Variants in ACHE observed in about 807,000 individuals in gnomAD.
ACHE encodes the protein acetylcholinesterase (Yt blood group).
Under a neutral mutation model 53.9 loss-of-function variants are expected in ACHE, and 19 were observed. The observed-to-expected ratio is 0.35, with a 90% CI of 0.25 to 0.52. The LOEUF is 0.52. Ranked by LOEUF, ACHE falls within the 20% of genes least tolerant of loss-of-function variation. The pLI, the probability that ACHE is intolerant of heterozygous loss-of-function variation, is 0.95. For synonymous variants in ACHE, 392 were observed against 378.1 expected, an observed-to-expected ratio of 1.04 and a Z score of -0.43; for missense variants, 605 against 849.4, an observed-to-expected ratio of 0.71 and a Z score of 3.58.
intron 1 of ACHE, among the ~76,000 whole-genome samples, chr7:100,895,146 C>T (rs952530638): frequency 1.4e-4 from 22 of 152,030 alleles, no homozygotes; most frequent in African/African-American, 5.3e-4. Context: ...ATTTTGGGGG[C>T]AGCAGCTGCT....
At position 100,893,434 on chromosome 7, in the gene ACHE, A is replaced by G. The variant is rs756467564; in HGVS notation, c.799T>C (p.Trp267Arg). The change falls in exon 2 of 5, where the codon TGG becomes CGG. Residue 267 changes from tryptophan (W) to arginine (R), a missense_variant. Trp to Arg is a moderately radical substitution (Grantham distance 101, BLOSUM62 -3). This residue lies in a region of ACHE where 397 missense variants were observed against 632.5 expected (regional missense o/e 0.63). Transcript: ENST00000241069. ...GCCTCTCCCATGCCCACCGTGGCCC[A>G]GGGTCCATTGGGGGCACCGCTCTGC... ...VLQSGAPNGP[W>R]ATVGMGEARR... The G allele has an allele frequency of 6.2e-7, 1 of 1,609,466 alleles. No individual in the cohort carries two copies. The highest frequency in any genetic ancestry group is 8.5e-7 in the Non-Finnish European group (1 of 1,179,354).
Position 100,893,349 on chromosome 7 carries a change from C to A in ACHE, c.884G>T (p.Gly295Val). 1 of 1,613,772 alleles carries A rather than the reference C, an allele frequency of 6.2e-7. No individual in the cohort carries two copies. The highest frequency in any genetic ancestry group is 1.3e-5 in the African/African-American group (1 of 75,060). ...LVGCPPGGTG[G>V]NDTELVACLR... ...GCAGGCTACCAGCTCTGTGTCATTC[C>A]CACCAGTGCCGCCTGGAGGACAGCC... Residue 295 changes from glycine (G) to valine (V), a missense_variant, in exon 2 of 5, where the codon GGG becomes GTG. Gly to Val is a moderately radical substitution (Grantham distance 109). Coordinates refer to ENST00000241069, the MANE Select transcript of ACHE (RefSeq NM_000665.5).
chr7:100,896,245 C>A (rs1173157719), upstream of ACHE: 1 of 152,344 alleles, frequency 6.6e-6, no homozygotes, highest in Non-Finnish European at 1.5e-5. Flanking sequence ...CACAGACGGA[C>A]GGACACACTT....
intron 4 of ACHE, chr7:100,890,612 G>C: frequency 7.2e-7 from 1 of 1,379,418 alleles, no homozygotes; most frequent in Non-Finnish European, 9.4e-7. Context: ...AGGAGGGGGA[G>C]GTTGGGGGAA....
Position 100,891,783 on chromosome 7 carries a change from C to CTTTT in ACHE, c.1554-449_1554-446dup, listed in dbSNP as rs71902456. 6.3e-3 allele frequency among the ~76,000 whole-genome samples: 651 copies of CTTTT among 103,424 alleles called. 23 individuals are homozygous for CTTTT. Among genetic ancestry groups the CTTTT allele is most frequent in the East Asian group, 0.014 (37 of 2,646 alleles). The allele number at this position is 103,424 out of a possible 152,430, so 67.9% of individuals were successfully genotyped here. On this transcript the variant is annotated intron_variant, in intron 3 of 4. Coordinates refer to ENST00000241069, the MANE Select transcript of ACHE (RefSeq NM_000665.5). Reference sequence around the variant, plus strand: ...CTCCAACTCCTTTGTCTTGGTCTCCCTTTTTTTTTTTTTTTTTTTTTTCCA... The same window carrying CTTTT: ...CTCCAACTCCTTTGTCTTGGTCTCCCTTTTTTTTTTTTTTTTTTTTTTTTTTCCA...
chr7:100,893,465 G>C lies in ACHE; in HGVS notation c.768C>G (p.Ala256=). ...CATTGGGGGCACCGCTCTGCAGCAC[G>C]GCCCTGTGGAACAGGCCCCGGCTGG... ...SPPSRGLFHR[A]VLQSGAPNGP... The change falls in exon 2 of 5, where the codon GCC becomes GCG. Residue 256 remains alanine (A), a synonymous_variant. Coordinates refer to ENST00000241069, the MANE Select transcript of ACHE (RefSeq NM_000665.5). 4 of 1,607,772 alleles carry C rather than the reference G, an allele frequency of 2.5e-6. No individual in the cohort carries two copies. In the South Asian group the frequency reaches 3.3e-5, roughly 13 times the overall value.
Position 100,892,946 on chromosome 7 carries a change from G to C in ACHE, c.1069-128C>G. ...AGACCCGGAACCATGGACAGAGAGA[G>C]GACGAGATCAGGGGAGGGATGCAGA... On this transcript the variant is annotated intron_variant, in intron 2 of 4. Coordinates refer to ENST00000241069, the MANE Select transcript of ACHE (RefSeq NM_000665.5). The surrounding 1 kb of genome is among the most constrained non-coding windows in gnomAD (Gnocchi z 5.2). The C allele has an allele frequency of 3.0e-6, 4 of 1,316,556 alleles. No individual in the cohort carries two copies. The highest frequency in any genetic ancestry group is 2.0e-6 in the Non-Finnish European group (2 of 984,226). The allele number at this position is 1,316,556 out of a possible 1,614,324, so 81.6% of individuals were successfully genotyped here.
At chr7:100,895,578 A>T (rs1323136025) in intron 1 of ACHE, among the ~76,000 whole-genome samples, 1 of 152,178 alleles carries the variant, frequency 6.6e-6, no homozygotes, top group African/African-American at 2.4e-5. Flanking sequence ...ATCGGAGCGC[A>T]GAGGCGGCGG....
Position 100,894,136 on chromosome 7 carries a change from C to G in ACHE, c.97G>C (p.Gly33Arg). Residue 33 changes from glycine to arginine, a missense_variant, in exon 2 of 5, where the codon GGC becomes CGC. Transcript: ENST00000241069. ...WLLGGGVGAE[G>R]REDAELLVTV... ...ACCAGCAGCTCTGCATCCTCCCGGC[C>G]CTCAGCCCCCACTCCTCCACCCAGG... The G allele has an allele frequency of 6.7e-7, 1 of 1,489,798 alleles. No individual in the cohort carries two copies. The highest frequency in any genetic ancestry group is 8.9e-7 in the Non-Finnish European group (1 of 1,124,974). The allele number at this position is 1,489,798 out of a possible 1,614,324, so 92.3% of individuals were successfully genotyped here.
rs1017295576 is a variant in ACHE, at chr7:100,892,447, G to A, written c.1440C>T (p.Tyr480=). Residue 480 remains tyrosine (Y), a synonymous_variant, in exon 3 of 5, where the codon TAC becomes TAT. Coordinates refer to ENST00000241069, the MANE Select transcript of ACHE (RefSeq NM_000665.5). This position sits in a 1 kb window ranked among gnomAD's most constrained non-coding sequence, Gnocchi z 5.2. ...GGATCCCAAAGATGAACTCGATCTC[G>A]TAGCCGTGGGGCACCCCCATCCACA... The part of the protein sequence containing the change: ...WPLWMGVPHG[Y]EIEFIFGIPL... 1.2e-5 allele frequency: 19 copies of A among 1,551,586 alleles called. No individual in the cohort carries two copies. Among genetic ancestry groups the A allele is most frequent in the East Asian group, 4.6e-5 (2 of 43,908 alleles).
At position 100,890,127 on chromosome 7, in the gene ACHE, C is replaced by T. The variant is rs17228609; in HGVS notation, c.*87G>A. 1.4e-3 allele frequency: 2,069 copies of T among 1,519,050 alleles called. 19 individuals are homozygous for T. The African/African-American group carries it at 0.025, about 18-fold the overall frequency. The allele number at this position is 1,519,050 out of a possible 1,614,324, so 94.1% of individuals were successfully genotyped here. A position where few individuals can be genotyped will look rare whatever the true frequency, so the allele number is the denominator to read the frequency against. The stretch of plus-strand genomic sequence containing the variant: ...GTGGGGATGGGCAGAGTCTGGGGCT[C>T]GTCTGTGTTATAGCCCAGCCCTGAA... On this transcript the variant is annotated 3_prime_UTR_variant, in exon 5 of 5. Transcript: ENST00000241069.
rs756496564 is a variant in ACHE at position 100,893,347 on chromosome 7, T to G, written c.886A>C (p.Asn296His). Residue 296 changes from asparagine (N) to histidine (H), a missense_variant, in exon 2 of 5, where the codon AAT (asparagine) becomes CAT (histidine). This residue lies in a region of ACHE where 397 missense variants were observed against 632.5 expected (regional missense o/e 0.63). Transcript: ENST00000241069. The part of the protein sequence containing the change: ...VGCPPGGTGG[N>H]DTELVACLRT... ...AGGCAGGCTACCAGCTCTGTGTCATTCCCACCAGTGCCGCCTGGAGGACAG... is the reference window on the plus strand; with the variant it reads ...AGGCAGGCTACCAGCTCTGTGTCATGCCCACCAGTGCCGCCTGGAGGACAG... 4 of 1,613,704 alleles carry G rather than the reference T, an allele frequency of 2.5e-6. No individual in the cohort carries two copies. Among genetic ancestry groups the G allele is most frequent in the Non-Finnish European group, 3.4e-6 (4 of 1,180,008 alleles).
chr7:100,890,831 A>G, intron 4 of ACHE: 3 of 1,415,400 alleles, frequency 2.1e-6, no homozygotes, highest in South Asian at 3.4e-5. Context: ...TGCCCTGTCC[A>G]GTGTGAGTCT....
chr7:100,891,009 G>A (rs1312024055), intron 4 of ACHE, 160 bp downstream of exon 4: 2 of 1,457,656 alleles, frequency 1.4e-6, no homozygotes, highest in East Asian at 2.5e-5. Flanking sequence ...GGTGGAGGAG[G>A]AGGAGGGGCA....
chr7:100,894,065 G>C lies in ACHE; in HGVS notation c.168C>G (p.Pro56=), dbSNP rs766300496. The C allele has an allele frequency of 1.9e-6, 3 of 1,566,718 alleles. No individual in the cohort carries two copies. Among genetic ancestry groups the C allele is most frequent in the African/African-American group, 2.7e-5 (2 of 73,150 alleles). ...CCAGGAAAGCAGAGACAGGGCCCCC[G>C]GGGGTCTTCAGGCGAATGCCCCGCA... is the stretch of plus-strand genomic sequence containing the variant. The part of the protein sequence containing the change: ...GRLRGIRLKT[P]GGPVSAFLGI... Residue 56 remains proline, a synonymous_variant, in exon 2 of 5, where the codon CCC becomes CCG. Transcript: ENST00000241069.
Position 100,893,325 on chromosome 7 carries a change from C to T in ACHE, c.908G>A (p.Cys303Tyr). 6.2e-7 allele frequency: 1 copy of T among 1,613,912 alleles called. No individual in the cohort carries two copies. ...TGGNDTELVA[C>Y]LRTRPAQVLV... Reference sequence around the variant, plus strand: ...GACCTGCGCTGGTCGTGTCCGAAGGCAGGCTACCAGCTCTGTGTCATTCCC... The same window carrying T: ...GACCTGCGCTGGTCGTGTCCGAAGGTAGGCTACCAGCTCTGTGTCATTCCC... Residue 303 changes from cysteine to tyrosine, a missense_variant, in exon 2 of 5, where the codon TGC becomes TAC. Cys to Tyr is a radical substitution (Grantham distance 194). Coordinates refer to ENST00000241069, the MANE Select transcript of ACHE (RefSeq NM_000665.5).
intron 1 of ACHE, chr7:100,894,486 G>T (rs961213280): frequency 1.0e-5 from 4 of 384,218 alleles, no homozygotes; most frequent in Middle Eastern, 1.3e-3. Flanking sequence ...ACAAATGCAG[G>T]GAACAGAGAG....
Position 100,891,337 on chromosome 7 carries a change from C to A in ACHE, c.1555G>T (p.Asp519Tyr). 1 of 1,545,682 alleles carries A rather than the reference C, an allele frequency of 6.5e-7. No homozygotes were observed. Among genetic ancestry groups the A allele is most frequent in the Admixed American group, 2.0e-5 (1 of 50,808 alleles). ...RYWANFARTG[D>Y]PNEPRDPKAP... The stretch of plus-strand genomic sequence containing the variant: ...TTGGGGTCTCGGGGCTCATTGGGAT[C>A]CCTGCGGAAGGAAGGGAAGGCTCAG... The change falls in exon 4 of 5, where the codon GAT (aspartate) becomes TAT (tyrosine). Residue 519 changes from aspartate to tyrosine, a missense_variant and splice_region_variant. This residue lies in a region of ACHE where 91 missense variants were observed against 83.2 expected (regional missense o/e 1.09). Coordinates refer to ENST00000241069, the MANE Select transcript of ACHE (RefSeq NM_000665.5).
At chr7:100,893,117 C>T (rs374498030) in intron 2 of ACHE, 48 bp downstream of exon 2, 34 of 1,577,184 alleles carry the variant, frequency 2.2e-5, no homozygotes, top group African/African-American at 1.8e-4. Flanking sequence ...GGGGAGGGAC[C>T]GTTGGGACCC....
Sources: gnomAD v4.1 joint callset for allele counts (sites outside exome capture counted in the v4.1 genomes callset) on GRCh38, gnomAD v4.1.1 for gene constraint, gnomAD v4.1.1 regional missense constraint, Gnocchi (gnomAD v3.1) non-coding constraint, MANE v1.5 for transcripts, NCBI Gene and HGNC (gene_info 2026-07-23, HGNC 2026-07-21) for gene names.